CFAP47: variants seen among roughly 807,000 people sequenced by gnomAD.
CFAP47 encodes cilia- and flagella-associated protein 47.
In CFAP47, 29 loss-of-function variants were observed where a neutral mutation model predicts 148.1. That is an observed-to-expected ratio of 0.20 (90% CI 0.15 to 0.27). The LOEUF (loss-of-function observed/expected upper bound fraction) is 0.27. Ranked by LOEUF, CFAP47 falls within the 10% of genes least tolerant of loss-of-function variation. The pLI is 1.00. For synonymous variants in CFAP47, 664 were observed against 577.3 expected (o/e 1.15, Z -2.15); for missense variants, 1,872 against 1,697.5 (o/e 1.10, Z -1.81).
intron 63 of CFAP47, among the ~76,000 whole-genome samples, chrX:36,382,170 G>A (rs962636539): frequency 9.0e-6 from 1 of 111,569 alleles, no homozygotes; most frequent in African/African-American, 3.3e-5. Flanking sequence ...AATCGATAAA[G>A]GGTACTTTAT....
At chrX:35,958,957 G>A (rs1397352018) in intron 8 of CFAP47, among the ~76,000 whole-genome samples, 2 of 111,563 alleles carry the variant, frequency 1.8e-5, no homozygotes, top group Non-Finnish European at 3.8e-5. Flanking sequence ...ACTGTCCATT[G>A]ATTTCTGGCT....
chrX:36,061,084 C>T (rs1937590160), intron 26 of CFAP47, among the ~76,000 whole-genome samples: 1 of 110,427 alleles, frequency 9.1e-6, no homozygotes, highest in Non-Finnish European at 1.9e-5. Context: ...GGTAGATTTC[C>T]CCCTTGCTGT....
In CFAP47 at chrX:36,107,280, C is replaced by G. The variant is rs377609150; in HGVS notation, c.5320+2589C>G. On this transcript the variant is annotated intron_variant, in intron 33 of 63. Coordinates refer to ENST00000378653, the MANE Select transcript of CFAP47 (RefSeq NM_001304548.2). ...AAAAGTCCTTCAGAAAATTCATAAA[C>G]TTCAGTCCATTGCAATTTATGTAAA... Among the ~76,000 whole-genome samples, 64 of 112,143 alleles carry G rather than the reference C, an allele frequency of 5.7e-4. No individual in the cohort carries two copies. In the East Asian group the frequency reaches 0.015, roughly 26 times the overall value.
At position 35,955,907 on chromosome X, in the gene CFAP47, A is replaced by G. The variant is rs762258408; in HGVS notation, c.1175-54A>G. 6.7e-6 allele frequency: 8 copies of G among 1,187,838 alleles called. 1 individual carries two copies. Among genetic ancestry groups the G allele is most frequent in the South Asian group, 5.7e-5 (3 of 52,945 alleles). On this transcript the variant is annotated intron_variant, in intron 7 of 63. Transcript: ENST00000378653. ...GACAACAAATAGACTAAGCAAATAT[A>G]TTCTGGATTCCCCAAACACTTTTTA...
intron 26 of CFAP47, among the ~76,000 whole-genome samples, chrX:36,054,728 A>C (rs888558254): frequency 1.8e-5 from 2 of 111,476 alleles, no homozygotes; most frequent in Non-Finnish European, 3.8e-5. Flanking sequence ...TTAAAGATGA[A>C]TATTATTATA....
chrX:36,307,326 A>G (rs1254799030), intron 55 of CFAP47, among the ~76,000 whole-genome samples: 1 of 111,543 alleles, frequency 9.0e-6, no homozygotes, highest in Non-Finnish European at 1.9e-5. Flanking sequence ...CAATCTCTAA[A>G]TATGTCCCAT....
rs778815150 is a variant in CFAP47 at position 36,149,761 on chromosome X, A to G, written c.5786+538A>G. On this transcript the variant is annotated intron_variant, in intron 37 of 63. Transcript: ENST00000378653. The stretch of plus-strand genomic sequence containing the variant: ...GTAGCTGGGATTACGGGCGCCTGCC[A>G]CCACGCCTGGCTAATTTTTGTATTT... Among the ~76,000 whole-genome samples, 898 of 108,123 alleles carry G rather than the reference A, an allele frequency of 8.3e-3. 3 individuals are homozygous for G. The highest frequency in any genetic ancestry group is 0.013 in the Non-Finnish European group (700 of 52,204). The allele number at this position is 108,123 out of a possible 115,157, so 93.9% of individuals were successfully genotyped here.
chrX:36,303,946 A>T lies in CFAP47; in HGVS notation c.8068A>T (p.Asn2690Tyr). Residue 2690 changes from asparagine to tyrosine, a missense_variant, in exon 54 of 64, where the codon AAC becomes TAC. Physicochemically the swap from Asn to Tyr is moderately radical, Grantham distance 143 (BLOSUM62 -2). Coordinates refer to ENST00000378653, the MANE Select transcript of CFAP47 (RefSeq NM_001304548.2). ...TCCTGAAAATTTTGTCCTGGATATT[A>T]ACAGAAAATCACAAGTAAGTAAATT... is the stretch of plus-strand genomic sequence containing the variant. ...SNPENFVLDINRKSQLIISPH... is the reference protein window; with the variant it reads ...SNPENFVLDIYRKSQLIISPH... 9.4e-7 allele frequency: 1 copy of T among 1,066,935 alleles called. No individual in the cohort carries two copies. Among genetic ancestry groups the T allele is most frequent in the Non-Finnish European group, 1.3e-6 (1 of 789,854 alleles). The allele number at this position is 1,066,935 out of a possible 1,213,427, so 87.9% of individuals were successfully genotyped here.
intron 39 of CFAP47, among the ~76,000 whole-genome samples, chrX:36,167,251 A>G (rs1219446315): frequency 1.8e-5 from 2 of 111,319 alleles, no homozygotes; most frequent in African/African-American, 6.5e-5. Context: ...TGAAAATGAA[A>G]TCAGTACTTT....
intron 1 of CFAP47, among the ~76,000 whole-genome samples, chrX:35,924,626 G>A (rs1935706871): frequency 9.2e-6 from 1 of 108,878 alleles, no homozygotes; most frequent in Admixed American, 9.7e-5. Flanking sequence ...GTATGTATAT[G>A]ATTGAGCAAC....
chrX:35,975,736 C>A lies in CFAP47; in HGVS notation c.2536C>A (p.Pro846Thr). Residue 846 changes from proline to threonine, a missense_variant, in exon 15 of 64, where the codon CCA becomes ACA. By Grantham distance (38) the Pro-to-Thr change is conservative. Coordinates refer to ENST00000378653, the MANE Select transcript of CFAP47 (RefSeq NM_001304548.2). ...CATCCTAGTGGTGGCAGTTGTCCAGCCAGTAACACTTGAGCTATCTTCTAA... is the reference window on the plus strand; with the variant it reads ...CATCCTAGTGGTGGCAGTTGTCCAGACAGTAACACTTGAGCTATCTTCTAA... ...GHILVVAVVQ[P>T]VTLELSSNEL... 2.5e-6 allele frequency: 3 copies of A among 1,208,491 alleles called. No homozygotes were observed. The highest frequency in any genetic ancestry group is 2.3e-4 in the Middle Eastern group (1 of 4,345).
chrX:36,375,545 A>G (rs896054542), intron 62 of CFAP47, among the ~76,000 whole-genome samples: 1 of 112,188 alleles, frequency 8.9e-6, no homozygotes, highest in Non-Finnish European at 1.9e-5. Flanking sequence ...ACATTTATCT[A>G]AAGTGTAGTT....
Position 36,376,469 on chromosome X carries a change from G to C in CFAP47, c.9186-2881G>C, listed in dbSNP as rs782333541. On this transcript the variant is annotated intron_variant, in intron 62 of 63. Transcript: ENST00000378653. Reference sequence around the variant, plus strand: ...GCAGCCTCACTCTCCTGTAAAGTCAGAACATTGGATGTCTGGTCCAGCCTT... The same window carrying C: ...GCAGCCTCACTCTCCTGTAAAGTCACAACATTGGATGTCTGGTCCAGCCTT... 4.5e-5 allele frequency among the ~76,000 whole-genome samples: 5 copies of C among 110,995 alleles called. No homozygotes were observed. In the South Asian group the frequency reaches 1.9e-3, roughly 43 times the overall value.
In CFAP47 at chrX:36,065,846, A is replaced by AGCTG. The variant is rs1937633585; in HGVS notation, c.4318+104_4318+107dup. The AGCTG allele has an allele frequency of 6.6e-6, 3 of 454,372 alleles. No homozygotes were observed. The African/African-American group carries it at 7.4e-5, about 11-fold the overall frequency. The allele number at this position is 454,372 out of a possible 1,213,427, so 37.4% of individuals were successfully genotyped here. ...TAAAATTATCAGTTGTTTATTAAAC[A>AGCTG]GCTGCCTCTGATAGAAGCTGTGCTT... On this transcript the variant is annotated intron_variant, in intron 27 of 63. Transcript: ENST00000378653.
chrX:36,353,505 A>C, intron 59 of CFAP47, 24 bp from the exon 60 acceptor site: 1 of 1,148,470 alleles, frequency 8.7e-7, no homozygotes, highest in Non-Finnish European at 1.2e-6. Flanking sequence ...AGTCAAGTTA[A>C]CTGGAAATAT....
chrX:36,040,677 T>TA (rs1232528408), intron 25 of CFAP47, among the ~76,000 whole-genome samples: 1 of 111,376 alleles, frequency 9.0e-6, no homozygotes, highest in Non-Finnish European at 1.9e-5. Context: ...TAGAAAATGT[T>TA]AAAAAAATTC....
chrX:36,380,397 A>G (rs781879449), intron 63 of CFAP47, among the ~76,000 whole-genome samples: 1 of 113,030 alleles, frequency 8.8e-6, no homozygotes, highest in East Asian at 2.8e-4. Context: ...GTAAGAAGAA[A>G]AAGCATTTGT....
chrX:36,089,240 G>A (rs1006335607), intron 30 of CFAP47, among the ~76,000 whole-genome samples: 43 of 109,792 alleles, frequency 3.9e-4, no homozygotes, highest in African/African-American at 1.4e-3. Context: ...GCTGTGGTGG[G>A]CGCCAGTAAT....
chrX:36,217,790 C>T (rs1208509462), intron 45 of CFAP47, among the ~76,000 whole-genome samples: 3 of 111,889 alleles, frequency 2.7e-5, no homozygotes, highest in African/African-American at 9.7e-5. Context: ...ATTGTAATAT[C>T]CAAGACTGCA....
Sources: allele counts gnomAD v4.1 joint callset (sites outside exome capture counted in the v4.1 genomes callset), GRCh38; gene constraint gnomAD v4.1.1; transcripts MANE v1.5; gene names NCBI Gene and HGNC (gene_info 2026-07-23, HGNC 2026-07-21).